Variants in ADGRB3 observed in about 807,000 individuals in gnomAD.
The protein encoded by ADGRB3 is adhesion G protein-coupled receptor B3.
A neutral mutation model predicts 193.4 loss-of-function variants in ADGRB3; 37 were observed. The observed-to-expected ratio is 0.19, with a 90% CI of 0.15 to 0.25. ADGRB3 has a LOEUF of 0.25. Among genes scored for constraint, ADGRB3 ranks in the 10% least tolerant of loss-of-function variants. ADGRB3 has a pLI of 1.00. For synonymous variants in ADGRB3, 690 were observed against 644.2 expected, an observed-to-expected ratio of 1.07 and a Z score of -1.08; for missense variants, 1,637 against 1,852.9, an observed-to-expected ratio of 0.88 and a Z score of 2.14.
intron 3 of ADGRB3, among the ~76,000 whole-genome samples, chr6:68,758,178 G>A (rs1218477390): frequency 4.6e-5 from 7 of 152,036 alleles, no homozygotes; most frequent in Non-Finnish European, 8.8e-5. Context: ...GTTAAGATTA[G>A]AGGTAATGAA....
rs550113137 is a variant in ADGRB3, at chr6:69,029,454, A to G, written c.2107+10955A>G. ...GGCCAAACCTTTCATTCTAAGGCAC[A>G]TAATTTCTTTTGAATTTTTTATTTA... is the stretch of plus-strand genomic sequence containing the variant. On this transcript the variant is annotated intron_variant, in intron 13 of 31. Transcript: ENST00000370598. 5.8e-4 allele frequency among the ~76,000 whole-genome samples: 88 copies of G among 152,366 alleles called. 1 individual carries two copies. Among genetic ancestry groups the G allele is most frequent in the Middle Eastern group, 3.4e-3 (1 of 294 alleles).
intron 21 of ADGRB3, among the ~76,000 whole-genome samples, chr6:69,327,012 G>A (rs1430057094): frequency 6.6e-6 from 1 of 152,108 alleles, no homozygotes; most frequent in Non-Finnish European, 1.5e-5. Context: ...TCACAGAAGA[G>A]AATAGCAGGA....
chr6:69,149,519 C>G (rs770806979), intron 17 of ADGRB3, among the ~76,000 whole-genome samples: 1 of 152,248 alleles, frequency 6.6e-6, no homozygotes, highest in Non-Finnish European at 1.5e-5. Flanking sequence ...TCCCGTATCT[C>G]TGTCTCTCCA....
At chr6:69,165,837 C>A (rs1337550955) in intron 17 of ADGRB3, among the ~76,000 whole-genome samples, 1 of 151,996 alleles carries the variant, frequency 6.6e-6, no homozygotes, top group Non-Finnish European at 1.5e-5. Flanking sequence ...CACAAATACT[C>A]TATAAGGGTA....
At chr6:68,664,709 T>G (rs1768756442) in intron 3 of ADGRB3, among the ~76,000 whole-genome samples, 1 of 151,846 alleles carries the variant, frequency 6.6e-6, no homozygotes, top group South Asian at 2.1e-4. Flanking sequence ...AAGAAAGTTG[T>G]GCAGAGAGTT....
intron 17 of ADGRB3, among the ~76,000 whole-genome samples, chr6:69,104,161 T>C (rs913088714): frequency 1.1e-4 from 16 of 151,218 alleles, no homozygotes; most frequent in Admixed American, 5.9e-4. Flanking sequence ...GCATTAGGTG[T>C]ATCTCCCAAT....
chr6:69,384,343 C>A (rs1770016547), intron 31 of ADGRB3, among the ~76,000 whole-genome samples: 1 of 152,006 alleles, frequency 6.6e-6, no homozygotes, highest in South Asian at 2.1e-4. Context: ...CTCTTCTACT[C>A]CTCCTGATAG....
At chr6:68,661,234 G>T (rs1768623187) in intron 3 of ADGRB3, among the ~76,000 whole-genome samples, 1 of 147,720 alleles carries the variant, frequency 6.8e-6, no homozygotes, top group Non-Finnish European at 1.5e-5. Flanking sequence ...CCCAAAATGA[G>T]AAGATTATTT....
intron 3 of ADGRB3, among the ~76,000 whole-genome samples, chr6:68,707,473 A>T (rs1442448145): frequency 6.6e-6 from 1 of 152,174 alleles, no homozygotes; most frequent in Non-Finnish European, 1.5e-5. Context: ...GCCATTTATT[A>T]GTATAAAATT....
chr6:68,870,626 A>T (rs185130248), intron 3 of ADGRB3, among the ~76,000 whole-genome samples: 1 of 152,280 alleles, frequency 6.6e-6, no homozygotes, highest in Admixed American at 6.5e-5. Context: ...CCGACAATGA[A>T]GTGTAGTGGT....
intron 3 of ADGRB3, among the ~76,000 whole-genome samples, chr6:68,862,852 G>A (rs191009101): frequency 6.6e-6 from 1 of 151,986 alleles, no homozygotes; most frequent in African/African-American, 2.4e-5. Flanking sequence ...TTTAATAATG[G>A]TTTCTTAAAT....
At chr6:68,720,095 A>G (rs143707124) in intron 3 of ADGRB3, among the ~76,000 whole-genome samples, 2 of 151,944 alleles carry the variant, frequency 1.3e-5, no homozygotes, top group African/African-American at 4.8e-5. Flanking sequence ...AGCCGTGGAA[A>G]GTGCAAAATC....
chr6:69,154,237 G>T (rs898026168), intron 17 of ADGRB3, among the ~76,000 whole-genome samples: 2 of 152,148 alleles, frequency 1.3e-5, no homozygotes, highest in East Asian at 3.9e-4. Context: ...GATGATGAAA[G>T]ATTTGCTTTG....
intron 10 of ADGRB3, among the ~76,000 whole-genome samples, chr6:68,985,883 G>A (rs896891190): frequency 3.9e-5 from 6 of 152,046 alleles, no homozygotes; most frequent in Non-Finnish European, 8.8e-5. Flanking sequence ...TTCTGATTGG[G>A]GAGGTTTCTA....
chr6:68,903,277 T>C (rs1250330206), intron 3 of ADGRB3, among the ~76,000 whole-genome samples: 4 of 152,164 alleles, frequency 2.6e-5, no homozygotes, highest in Non-Finnish European at 5.9e-5. Context: ...CATTATTGTA[T>C]CTCTAAATCT....
At chr6:69,070,939 T>C (rs1031139084) in intron 16 of ADGRB3, among the ~76,000 whole-genome samples, 1 of 152,236 alleles carries the variant, frequency 6.6e-6, no homozygotes. Flanking sequence ...AAAGATAATC[T>C]TGCTGATGAA....
At chr6:68,765,301 T>C (rs1200978619) in intron 3 of ADGRB3, among the ~76,000 whole-genome samples, 2 of 152,166 alleles carry the variant, frequency 1.3e-5, no homozygotes, top group African/African-American at 4.8e-5. Flanking sequence ...ATTTCAGGTC[T>C]GTCTGTTTTG....
Position 69,203,896 on chromosome 6 carries a change from A to G in ADGRB3, c.2481-29394A>G, listed in dbSNP as rs1043123220. On this transcript the variant is annotated intron_variant, in intron 17 of 31. Transcript: ENST00000370598. ...TACAGAAGCCAAGAGGTCTGCTGCT[A>G]GATTTGTATATACGTGTGTCTTATT... 2.0e-5 allele frequency among the ~76,000 whole-genome samples: 3 copies of G among 152,152 alleles called. No homozygotes were observed. In the South Asian group the frequency reaches 6.2e-4, roughly 31 times the overall value.
chr6:68,656,529 C>A (rs1307435354), intron 3 of ADGRB3, among the ~76,000 whole-genome samples: 2 of 151,506 alleles, frequency 1.3e-5, no homozygotes, highest in African/African-American at 2.4e-5. Context: ...TTATTGCCAA[C>A]ATAAACTTGT....
Sources: allele counts gnomAD v4.1 joint callset (sites outside exome capture counted in the v4.1 genomes callset), GRCh38; gene constraint gnomAD v4.1.1; transcripts MANE v1.5; gene names NCBI Gene and HGNC (gene_info 2026-07-23, HGNC 2026-07-21).